IL7: variants seen among roughly 807,000 people sequenced by gnomAD.
IL7 encodes the protein interleukin-7.
In IL7, 3 loss-of-function variants were observed where a neutral mutation model predicts 21.6. That is an observed-to-expected ratio of 0.14 (90% CI 0.06 to 0.36). The LOEUF is 0.36. Among genes scored for constraint, IL7 ranks in the 10% least tolerant of loss-of-function variants. The pLI is 1.00. For synonymous variants in IL7, 62 were observed against 68.1 expected, an observed-to-expected ratio of 0.91 and a Z score of 0.44; for missense variants, 175 against 200.2, an observed-to-expected ratio of 0.87 and a Z score of 0.76.
intron 3 of IL7, among the ~76,000 whole-genome samples, chr8:78,693,653 T>C (rs1362044231): frequency 6.6e-6 from 1 of 152,192 alleles, no homozygotes; most frequent in Non-Finnish European, 1.5e-5. Context: ...GATGAGTAGA[T>C]TGCAAAAATT....
chr8:78,701,305 G>A (rs997268026), intron 3 of IL7, among the ~76,000 whole-genome samples: 2 of 152,136 alleles, frequency 1.3e-5, no homozygotes, highest in Non-Finnish European at 2.9e-5. Flanking sequence ...GCTGTTATTA[G>A]TGTATAGGAA....
intron 3 of IL7, among the ~76,000 whole-genome samples, chr8:78,712,603 C>T (rs1810985402): frequency 6.6e-6 from 1 of 152,068 alleles, no homozygotes; most frequent in Non-Finnish European, 1.5e-5. Context: ...GTAAATTCTG[C>T]CTACAACCGG....
intron 5 of IL7, among the ~76,000 whole-genome samples, chr8:78,735,499 G>A (rs904247017): frequency 3.3e-5 from 5 of 151,574 alleles, no homozygotes; most frequent in African/African-American, 9.7e-5. Flanking sequence ...TAGTAGAGAC[G>A]GGGTTTCACC....
At chr8:78,691,545 G>C (rs1250729594) in intron 3 of IL7, among the ~76,000 whole-genome samples, 1 of 151,682 alleles carries the variant, frequency 6.6e-6, no homozygotes, top group Non-Finnish European at 1.5e-5. Flanking sequence ...CATCTTGTTG[G>C]TCAAAATTGC....
rs564665067 is a variant in IL7 at position 78,784,291 on chromosome 8, G to C, written c.147+13781C>G. On this transcript the variant is annotated intron_variant, in intron 2 of 5. Transcript: ENST00000263851. ...TGAGAAGCTGGTAGTCCACAACCTG[G>C]AAGAGGTCCTTCACCAGAACCCAAC... Among the ~76,000 whole-genome samples the C allele has an allele frequency of 2.6e-5, 4 of 152,200 alleles. No homozygotes were observed. In the South Asian group the frequency reaches 6.2e-4, roughly 24 times the overall value.
chr8:78,766,488 T>C (rs1054317505), intron 2 of IL7, among the ~76,000 whole-genome samples: 3 of 152,106 alleles, frequency 2.0e-5, no homozygotes, highest in African/African-American at 7.2e-5. Flanking sequence ...TCTGCAGGCA[T>C]AGAAAATACA....
intron 1 of IL7, among the ~76,000 whole-genome samples, chr8:78,799,677 A>G (rs542472560): frequency 5.9e-5 from 9 of 152,044 alleles, no homozygotes; most frequent in Non-Finnish European, 1.0e-4. Context: ...ATAAATATCC[A>G]AAAAGTTCTG....
chr8:78,680,282 G>C (rs1251904782), intron 4 of IL7, among the ~76,000 whole-genome samples: 1 of 87,940 alleles, frequency 1.1e-5, no homozygotes, highest in East Asian at 3.1e-4. Context: ...GCGAGACTCC[G>C]TCTCAAAAAA....
chr8:78,679,430 T>C (rs994555021), intron 4 of IL7: 13 of 152,214 alleles, frequency 8.5e-5, no homozygotes, highest in African/African-American at 3.1e-4. Flanking sequence ...TACTTATAAT[T>C]TAATGCTATG....
chr8:78,780,720 G>A (rs369457482), intron 2 of IL7, among the ~76,000 whole-genome samples: 1 of 152,124 alleles, frequency 6.6e-6, no homozygotes, highest in Admixed American at 6.5e-5. Flanking sequence ...ATTTTGGGGT[G>A]GAGAGTTCTG....
intron 4 of IL7, among the ~76,000 whole-genome samples, chr8:78,676,584 A>G (rs1222387852): frequency 6.6e-6 from 1 of 152,046 alleles, no homozygotes; most frequent in East Asian, 1.9e-4. Context: ...GTGAATGTAT[A>G]TCTGCTGATT....
chr8:78,782,634 G>C (rs906524316), intron 2 of IL7, among the ~76,000 whole-genome samples: 1 of 152,016 alleles, frequency 6.6e-6, no homozygotes, highest in Non-Finnish European at 1.5e-5. Flanking sequence ...TCATGTTAGT[G>C]GGAATGTCTC....
intron 2 of IL7, among the ~76,000 whole-genome samples, chr8:78,744,345 T>C (rs1206401540): frequency 1.3e-5 from 2 of 152,192 alleles, no homozygotes; most frequent in African/African-American, 4.8e-5. Context: ...AGGGACCTGC[T>C]TAAAGAAGCA....
intron 2 of IL7, among the ~76,000 whole-genome samples, chr8:78,772,693 G>A (rs1051900113): frequency 1.3e-5 from 2 of 152,008 alleles, no homozygotes; most frequent in Non-Finnish European, 2.9e-5. Context: ...CAAAAACATC[G>A]CCAAATTTCT....
chr8:78,774,838 A>T (rs1043822885), intron 2 of IL7, among the ~76,000 whole-genome samples: 1 of 152,146 alleles, frequency 6.6e-6, no homozygotes, highest in Non-Finnish European at 1.5e-5. Flanking sequence ...TATGCAAAAG[A>T]GTTAGAAAAC....
At chr8:78,679,183 C>T (rs1250592848) in intron 4 of IL7, 2 of 152,120 alleles carry the variant, frequency 1.3e-5, no homozygotes, top group Non-Finnish European at 2.9e-5. Flanking sequence ...ATCTGTTGTT[C>T]AGTGTCCAGA....
At chr8:78,768,741 A>G (rs1812845763) in intron 2 of IL7, among the ~76,000 whole-genome samples, 1 of 151,896 alleles carries the variant, frequency 6.6e-6, no homozygotes, top group East Asian at 1.9e-4. Flanking sequence ...CTCTGATGGT[A>G]GTTTCTTTTG....
chr8:78,737,462 GA>G (rs1044016916), intron 4 of IL7, among the ~76,000 whole-genome samples: 2 of 151,040 alleles, frequency 1.3e-5, no homozygotes, highest in East Asian at 1.9e-4. Flanking sequence ...CCAATTTATA[GA>G]AAAAAAAAGT....
downstream of IL7, among the ~76,000 whole-genome samples, chr8:78,731,053 CAG>C (rs1443472306): frequency 1.3e-5 from 2 of 151,870 alleles, no homozygotes; most frequent in Non-Finnish European, 2.9e-5. Flanking sequence ...ATCTGACCTA[CAG>C]TACAAGATAC....
Sources: gnomAD v4.1 joint callset for allele counts (sites outside exome capture counted in the v4.1 genomes callset) on GRCh38, gnomAD v4.1.1 for gene constraint, MANE v1.5 for transcripts, NCBI Gene and HGNC (gene_info 2026-07-23, HGNC 2026-07-21) for gene names.